The following VPS13B variants were observed in gnomAD, a reference collection of about 807,000 sequenced individuals.
The protein encoded by VPS13B is vacuolar protein sorting 13 homolog B.
In VPS13B, 285 loss-of-function variants were observed where a neutral mutation model predicts 426.4. The ratio of observed to expected loss-of-function variants is 0.67; its 90% CI spans 0.61 to 0.74. The LOEUF is 0.74. Ranked by LOEUF, VPS13B falls within the 30% of genes least tolerant of loss-of-function variation. The pLI is 0.00. For synonymous variants in VPS13B, 1,676 were observed against 1,676.4 expected (o/e 1.00, Z 0.01); for missense variants, 4,537 against 4,782.6 (o/e 0.95, Z 1.51).
chr8:99,817,988 C>A (rs1225989957), intron 45 of VPS13B, among the ~76,000 whole-genome samples, 185 bp downstream of exon 45: 1 of 152,122 alleles, frequency 6.6e-6, no homozygotes, highest in East Asian at 1.9e-4. Flanking sequence ...TGTATCAGTT[C>A]CAGTAGTTCT....
At chr8:99,121,745 AGAAAG>A (rs1318280379) in intron 8 of VPS13B, 3 of 467,828 alleles carry the variant, frequency 6.4e-6, no homozygotes, top group African/African-American at 6.1e-5. Flanking sequence ...TCATTAAAAA[AGAAAG>A]GAACAGCAAA....
intron 31 of VPS13B, among the ~76,000 whole-genome samples, chr8:99,562,501 G>C (rs1242952109): frequency 2.6e-5 from 4 of 152,060 alleles, no homozygotes; most frequent in Non-Finnish European, 5.9e-5. Flanking sequence ...GGCTGGCCTC[G>C]AACTTCTAAC....
At chr8:99,497,897 A>G (rs1424086649) in intron 25 of VPS13B, among the ~76,000 whole-genome samples, 1 of 152,112 alleles carries the variant, frequency 6.6e-6, no homozygotes, top group Non-Finnish European at 1.5e-5. Flanking sequence ...TTTGTTCTTA[A>G]CATTTAGAGA....
intron 30 of VPS13B, among the ~76,000 whole-genome samples, chr8:99,535,074 C>A (rs1823127857): frequency 6.6e-6 from 1 of 152,002 alleles, no homozygotes; most frequent in Admixed American, 6.6e-5. Flanking sequence ...ATCCCCTAAA[C>A]CAAAATAGAA....
At chr8:99,212,005 GCCTCAGCCTC>G (rs1429538763) in intron 17 of VPS13B, among the ~76,000 whole-genome samples, 3 of 151,552 alleles carry the variant, frequency 2.0e-5, no homozygotes, top group Admixed American at 6.6e-5. Flanking sequence ...CGATTCTCCT[GCCTCAGCCTC>G]CTGAGTAGCT....
intron 22 of VPS13B, among the ~76,000 whole-genome samples, chr8:99,432,460 T>C (rs1817165136): frequency 6.6e-6 from 1 of 152,114 alleles, no homozygotes; most frequent in African/African-American, 2.4e-5. Context: ...AGGTCTTAAA[T>C]TGACATTACC....
At chr8:99,577,780 T>C (rs1825845790) in intron 33 of VPS13B, 147 bp downstream of exon 33, 1 of 1,114,252 alleles carries the variant, frequency 9.0e-7, no homozygotes, top group Non-Finnish European at 1.3e-6. Flanking sequence ...TCATTTTGGA[T>C]TGATATTCTT....
At chr8:99,793,040 T>TAAAA (rs34594024) in intron 43 of VPS13B, among the ~76,000 whole-genome samples, 1 of 123,416 alleles carries the variant, frequency 8.1e-6, no homozygotes. Flanking sequence ...ATCCTGTCTC[T>TAAAA]AAAAAAAAAA....
In VPS13B at chr8:99,090,353, T is replaced by C. The variant is rs563421710; in HGVS notation, c.292-5959T>C. The stretch of plus-strand genomic sequence containing the variant: ...TGCGATCTTGGCTCACTGCAACCTC[T>C]ACTTCCCTGGTTCAAGTGATTCCCC... On this transcript the variant is annotated intron_variant, in intron 3 of 61. Transcript: ENST00000357162. 4.6e-5 allele frequency among the ~76,000 whole-genome samples: 7 copies of C among 151,496 alleles called. No individual in the cohort carries two copies. The South Asian group carries it at 1.5e-3, about 32-fold the overall frequency.
chr8:99,537,443 A>G (rs1823313473), intron 30 of VPS13B, among the ~76,000 whole-genome samples: 1 of 152,236 alleles, frequency 6.6e-6, no homozygotes, highest in Non-Finnish European at 1.5e-5. Flanking sequence ...TCTATATCAT[A>G]TACAATGCGA....
chr8:99,875,613 C>G lies in VPS13B; in HGVS notation c.11941C>G (p.Leu3981Val), dbSNP rs1334746607. The stretch of plus-strand genomic sequence containing the variant: ...TGATCCACATTTTGCTCAGGTCTTC[C>G]TTAGTAAATTTACCATGGTGAAAAA... Reference protein sequence around the residue: ...LVDPHFAQVFLSKFTMVKNKA... With the variant: ...LVDPHFAQVFVSKFTMVKNKA... Residue 3981 changes from leucine to valine, a missense_variant, in exon 62 of 62, where the codon CTT (leucine) becomes GTT (valine). By Grantham distance (32) the Leu-to-Val change is conservative. Around this residue, in one of 2 missense-constraint regions of VPS13B, gnomAD observed 4,311 missense variants for 4,474.3 expected, o/e 0.96. Coordinates refer to ENST00000357162, the MANE Select transcript of VPS13B (RefSeq NM_152564.5). 6.2e-7 allele frequency: 1 copy of G among 1,613,976 alleles called. No individual in the cohort carries two copies. Among genetic ancestry groups the G allele is most frequent in the Non-Finnish European group, 8.5e-7 (1 of 1,179,990 alleles).
intron 39 of VPS13B, among the ~76,000 whole-genome samples, chr8:99,738,193 A>C (rs2130451410): frequency 6.6e-6 from 1 of 152,338 alleles, no homozygotes; most frequent in Admixed American, 6.5e-5. Context: ...AGCGTTGCAG[A>C]AATATTTGCT....
At chr8:99,519,546 C>T (rs1822261784) in intron 29 of VPS13B, among the ~76,000 whole-genome samples, 1 of 152,092 alleles carries the variant, frequency 6.6e-6, no homozygotes, top group Admixed American at 6.6e-5. Flanking sequence ...AGACTTGGAA[C>T]CAACCCAAAT....
intron 17 of VPS13B, among the ~76,000 whole-genome samples, chr8:99,262,193 C>G (rs1818075959): frequency 6.6e-6 from 1 of 152,046 alleles, no homozygotes; most frequent in African/African-American, 2.4e-5. Context: ...GTGAGTTGTA[C>G]TTTTGAGATT....
At position 99,853,659 on chromosome 8, in the gene VPS13B, T is replaced by C; in HGVS notation, c.10270T>C (p.Cys3424Arg). 1 of 1,613,932 alleles carries C rather than the reference T, an allele frequency of 6.2e-7. No homozygotes were observed. The highest frequency in any genetic ancestry group is 8.5e-7 in the Non-Finnish European group (1 of 1,179,944). ...TGAACTTTACTGTGTGGAGATCTGC[T>C]GTGGGGACCTGCAGCTAGACAACCA... The part of the protein sequence containing the change: ...LFELYCVEIC[C>R]GDLQLDNQLY... Residue 3424 changes from cysteine (C) to arginine (R), a missense_variant, in exon 56 of 62, where the codon TGT becomes CGT. This residue lies in a region of VPS13B where 4,311 missense variants were observed against 4,474.3 expected (regional missense o/e 0.96). Transcript: ENST00000357162.
chr8:99,741,998 G>A (rs1187939262), intron 39 of VPS13B, among the ~76,000 whole-genome samples: 2 of 152,138 alleles, frequency 1.3e-5, no homozygotes, highest in African/African-American at 4.8e-5. Context: ...AGGAAATAGA[G>A]ACACAAAAAA....
chr8:99,163,454 T>C (rs1204565542), intron 15 of VPS13B, among the ~76,000 whole-genome samples: 1 of 152,130 alleles, frequency 6.6e-6, no homozygotes, highest in Non-Finnish European at 1.5e-5. Flanking sequence ...TAGGGGGTGG[T>C]GCTCGTTGGG....
chr8:99,475,006 A>G (rs1271879205), intron 24 of VPS13B, among the ~76,000 whole-genome samples: 1 of 152,222 alleles, frequency 6.6e-6, no homozygotes, highest in African/African-American at 2.4e-5. Flanking sequence ...AATACTAATC[A>G]GCCATTAAAG....
intron 21 of VPS13B, among the ~76,000 whole-genome samples, chr8:99,429,161 T>A (rs963748926): frequency 5.3e-5 from 8 of 151,810 alleles, no homozygotes; most frequent in African/African-American, 1.9e-4. Context: ...GGATAGCATT[T>A]GGAGATATAC....
Sources: gnomAD v4.1 joint callset for allele counts (sites outside exome capture counted in the v4.1 genomes callset) on GRCh38, gnomAD v4.1.1 for gene constraint, gnomAD v4.1.1 regional missense constraint, MANE v1.5 for transcripts, NCBI Gene and HGNC (gene_info 2026-07-23, HGNC 2026-07-21) for gene names.